ERICH1: variants seen among roughly 807,000 people sequenced by gnomAD.
ERICH1 encodes the protein glutamate rich 1, also known as glutamate-rich protein 1.
A neutral mutation model predicts 39.6 loss-of-function variants in ERICH1; 56 were observed. The ratio of observed to expected loss-of-function variants is 1.41; its 90% CI spans 1.14 to 1.77. The LOEUF is 1.77. Ranked by LOEUF, ERICH1 falls within the 40% of genes most tolerant of loss-of-function variation. ERICH1 has a pLI of 0.00. For missense variants in ERICH1, 826 were observed against 575.4 expected, an observed-to-expected ratio of 1.44 and a Z score of -4.45; for synonymous variants, 313 against 223.6, an observed-to-expected ratio of 1.40 and a Z score of -3.57.
intron 1 of ERICH1, among the ~76,000 whole-genome samples, chr8:719,461 T>C (rs1250483423): frequency 6.6e-6 from 1 of 152,268 alleles, no homozygotes; most frequent in African/African-American, 2.4e-5. Context: ...CTGGCTGAGA[T>C]GCTTCTCTCA....
chr8:687,979 C>T (rs764425634), intron 3 of ERICH1, among the ~76,000 whole-genome samples: 1 of 152,168 alleles, frequency 6.6e-6, no homozygotes, highest in Non-Finnish European at 1.5e-5. Context: ...CGCCGAGAGA[C>T]CTGCCCGGGT....
At chr8:616,537 C>A (rs750896633) in intron 3 of ERICH1, 1 of 456,008 alleles carries the variant, frequency 2.2e-6, no homozygotes, top group South Asian at 1.5e-5. Flanking sequence ...GGGACCACAA[C>A]ACGCACATCT....
intron 3 of ERICH1, among the ~76,000 whole-genome samples, chr8:651,074 C>A (rs540948103): frequency 2.7e-4 from 41 of 152,364 alleles, no homozygotes; most frequent in African/African-American, 9.9e-4. Flanking sequence ...GTTGGGGAGC[C>A]ACAGTCCCTG....
intron 3 of ERICH1, among the ~76,000 whole-genome samples, chr8:620,329 A>G (rs1349336833): frequency 6.6e-6 from 1 of 152,214 alleles, no homozygotes; most frequent in African/African-American, 2.4e-5. Flanking sequence ...AAATAAATCA[A>G]TAAAAAAGAA....
At chr8:658,759 C>T (rs182985199) in intron 3 of ERICH1, among the ~76,000 whole-genome samples, 1 of 152,208 alleles carries the variant, frequency 6.6e-6, no homozygotes, top group African/African-American at 2.4e-5. Context: ...GTGTCGTCCA[C>T]AGCCTCAGGG....
chr8:655,293 C>A (rs1040917763), intron 3 of ERICH1, among the ~76,000 whole-genome samples: 15 of 152,224 alleles, frequency 9.9e-5, no homozygotes, highest in African/African-American at 3.6e-4. Context: ...CGCTCAGACG[C>A]CCTCATGCCA....
chr8:715,518 C>T (rs895287111), intron 2 of ERICH1, among the ~76,000 whole-genome samples: 1 of 152,242 alleles, frequency 6.6e-6, no homozygotes, highest in Non-Finnish European at 1.5e-5. Flanking sequence ...GGGGCCACCA[C>T]AGTGACTGGG....
chr8:653,531 A>C (rs866625404), intron 3 of ERICH1, among the ~76,000 whole-genome samples: 4 of 151,866 alleles, frequency 2.6e-5, no homozygotes, highest in Non-Finnish European at 4.4e-5. Context: ...TTTTTTGTCT[A>C]TATATTTGTT....
chr8:689,122 C>CTT, intron 3 of ERICH1, among the ~76,000 whole-genome samples: 1 of 151,884 alleles, frequency 6.6e-6, no homozygotes, highest in South Asian at 2.1e-4. Context: ...TCTTTTTTTT[C>CTT]TTTTTTTGAG....
chr8:651,111 G>A (rs1799891629), intron 3 of ERICH1, among the ~76,000 whole-genome samples: 1 of 152,224 alleles, frequency 6.6e-6, no homozygotes, highest in Non-Finnish European at 1.5e-5. Context: ...GCCATGGCTT[G>A]ATTCAGGCCA....
At chr8:670,750 C>G (rs1326267833) in intron 4 of ERICH1, among the ~76,000 whole-genome samples, 1 of 152,214 alleles carries the variant, frequency 6.6e-6, no homozygotes, top group Non-Finnish European at 1.5e-5. Context: ...TCTCTGACCT[C>G]TGAGTCCACC....
rs757793860 is a variant in ERICH1, at chr8:664,372, T to C, written c.*231A>G. On this transcript the variant is annotated 3_prime_UTR_variant, in exon 6 of 6. Coordinates refer to ENST00000262109, the MANE Select transcript of ERICH1 (RefSeq NM_207332.3). Reference sequence around the variant, plus strand: ...AGTAGAGAAACAGAATCAAGTTTTATGTAGTAATTCAAGATATATATAATT... The same window carrying C: ...AGTAGAGAAACAGAATCAAGTTTTACGTAGTAATTCAAGATATATATAATT... 5 of 1,167,830 alleles carry C rather than the reference T, an allele frequency of 4.3e-6. No individual in the cohort carries two copies. The highest frequency in any genetic ancestry group is 5.3e-6 in the Non-Finnish European group (5 of 946,948). 72.3% of individuals were successfully genotyped at this position (1,167,830 alleles called of 1,614,324 possible).
At position 644,592 on chromosome 8, in the gene ERICH1, G is replaced by A. The variant is rs1426339881; in HGVS notation, c.976+24006C>T. ...ACAAGGCTAACCTCAAGCTATAGACGTAGAGAATCACCTGTAGCAAGTTAA... is the reference window on the plus strand; with the variant it reads ...ACAAGGCTAACCTCAAGCTATAGACATAGAGAATCACCTGTAGCAAGTTAA... On this transcript the variant is annotated intron_variant, in intron 3 of 3. Transcript: ENST00000522706. Among the ~76,000 whole-genome samples, 2 of 68,794 alleles carry A rather than the reference G, an allele frequency of 2.9e-5. 1 individual carries two copies. The highest frequency in any genetic ancestry group is 7.3e-5 in the African/African-American group (2 of 27,334). 45.1% of individuals were successfully genotyped at this position (68,794 alleles called of 152,430 possible). A position where few individuals can be genotyped will look rare whatever the true frequency, so the allele number is the denominator to read the frequency against.
chr8:713,489 T>A (rs2093527208), intron 2 of ERICH1, among the ~76,000 whole-genome samples: 1 of 152,150 alleles, frequency 6.6e-6, no homozygotes, highest in South Asian at 2.1e-4. Flanking sequence ...AAAGCATGCT[T>A]AGTGTAACCC....
intron 2 of ERICH1, among the ~76,000 whole-genome samples, chr8:695,220 C>T (rs981089807): frequency 6.6e-6 from 1 of 152,090 alleles, no homozygotes; most frequent in Non-Finnish European, 1.5e-5. Context: ...CAGGTGAGCA[C>T]TGGGTACCAC....
intron 2 of ERICH1, among the ~76,000 whole-genome samples, chr8:698,119 G>T (rs1027323537): frequency 7.2e-5 from 11 of 152,206 alleles, no homozygotes; most frequent in Non-Finnish European, 1.5e-4. Flanking sequence ...AGGGGTTGTG[G>T]ATCTGAGTCA....
At chr8:704,267 C>A (rs893645457) in intron 2 of ERICH1, among the ~76,000 whole-genome samples, 1 of 152,140 alleles carries the variant, frequency 6.6e-6, no homozygotes, top group Non-Finnish European at 1.5e-5. Flanking sequence ...AATGAAAAGA[C>A]TGAGGCCCAG....
chr8:673,226 G>A (rs1371407614), intron 4 of ERICH1, 63 bp downstream of exon 4: 4 of 1,493,716 alleles, frequency 2.7e-6, no homozygotes, highest in South Asian at 2.7e-5. Flanking sequence ...CATTATATTT[G>A]TTTCTTTTAA....
Position 628,519 on chromosome 8 carries a change from C to T in ERICH1, c.977-13235G>A, listed in dbSNP as rs74835097. Among the ~76,000 whole-genome samples the T allele has an allele frequency of 1.8e-3, 277 of 152,312 alleles. 6 individuals are homozygous for T. The East Asian group carries it at 0.045, about 25-fold the overall frequency. ...AGGCAGCTGGCGACCTTGGCCAGGC[C>T]GATCAGGGTGACCCCAAGGGGCTGG... On this transcript the variant is annotated intron_variant, in intron 3 of 3. Transcript: ENST00000522706.
Sources: allele counts gnomAD v4.1 joint callset (sites outside exome capture counted in the v4.1 genomes callset), GRCh38; gene constraint gnomAD v4.1.1; transcripts MANE v1.5; gene names NCBI Gene and HGNC (gene_info 2026-07-23, HGNC 2026-07-21).